Variants in RANBP2 observed in about 807,000 individuals in gnomAD.
The protein encoded by RANBP2 is E3 SUMO-protein ligase RanBP2.
In RANBP2, 57 loss-of-function variants were observed where a neutral mutation model predicts 303.6. The observed-to-expected ratio is 0.19, with a 90% CI of 0.15 to 0.23. The LOEUF (loss-of-function observed/expected upper bound fraction) is 0.23, where lower values mean the gene tolerates loss of function less well. RANBP2 is among the 10% of genes least tolerant of loss of function. The pLI is 1.00. For synonymous variants in RANBP2, 1,167 were observed against 1,301.5 expected, an observed-to-expected ratio of 0.90 and a Z score of 2.23; for missense variants, 3,138 against 3,780.8, an observed-to-expected ratio of 0.83 and a Z score of 4.46.
chr2:109,575,140 T>C, the RANBP2 span, among the ~76,000 whole-genome samples: 1 of 152,234 alleles, frequency 6.6e-6, no homozygotes, highest in Non-Finnish European at 1.5e-5. Flanking sequence ...GTATTGAATT[T>C]ACACTGATTC....
At chr2:109,632,961 T>C in the RANBP2 span, among the ~76,000 whole-genome samples, 1 of 152,204 alleles carries the variant, frequency 6.6e-6, no homozygotes, top group Admixed American at 6.5e-5. Flanking sequence ...ATACCTTCTT[T>C]GTATTGTACT....
At chr2:109,546,818 A>G in the RANBP2 span, among the ~76,000 whole-genome samples, 4 of 152,228 alleles carry the variant, frequency 2.6e-5, no homozygotes, top group Non-Finnish European at 5.9e-5. Flanking sequence ...CTTTACATAT[A>G]AAAATACTCA....
the RANBP2 span, among the ~76,000 whole-genome samples, chr2:109,236,680 C>T: frequency 1.4e-3 from 213 of 152,192 alleles, 3 homozygotes; most frequent in African/African-American, 4.8e-3. Context: ...AGGTCAAGGT[C>T]GAAGAAAGGA....
chr2:109,306,025 G>C, the RANBP2 span, among the ~76,000 whole-genome samples: 1 of 152,228 alleles, frequency 6.6e-6, no homozygotes, highest in Admixed American at 6.5e-5. Context: ...CTTCAGGAGT[G>C]ATTCGCTGCC....
chr2:109,190,762 A>G, the RANBP2 span, among the ~76,000 whole-genome samples: 2 of 152,100 alleles, frequency 1.3e-5, no homozygotes, highest in African/African-American at 4.8e-5. Flanking sequence ...ACTCACACCC[A>G]TAGAATGGGA....
At chr2:109,680,393 T>A in the RANBP2 span, among the ~76,000 whole-genome samples, 26 of 150,200 alleles carry the variant, frequency 1.7e-4, no homozygotes, top group Admixed American at 6.6e-4. Flanking sequence ...AAAAAAAAAA[T>A]TTAAAAAAAG....
At chr2:109,417,119 C>T in the RANBP2 span, among the ~76,000 whole-genome samples, 2 of 152,134 alleles carry the variant, frequency 1.3e-5, no homozygotes, top group Non-Finnish European at 2.9e-5. Flanking sequence ...AAGATCCTGC[C>T]CACACATTTC....
chr2:108,906,687 C>T, the RANBP2 span, among the ~76,000 whole-genome samples: 5 of 152,372 alleles, frequency 3.3e-5, no homozygotes, highest in African/African-American at 1.2e-4. Flanking sequence ...GCCCTCAGGA[C>T]ATCTGTGCTG....
the RANBP2 span, among the ~76,000 whole-genome samples, chr2:108,959,505 T>G: frequency 6.6e-6 from 1 of 152,320 alleles, no homozygotes; most frequent in Admixed American, 6.5e-5. Context: ...TGTTTCTCTG[T>G]GATGCTTAAA....
At chr2:108,747,665 T>C (rs2912847) in intron 8 of RANBP2, among the ~76,000 whole-genome samples, 1 of 152,116 alleles carries the variant, frequency 6.6e-6, no homozygotes, top group African/African-American at 2.4e-5. Flanking sequence ...TTGCCTGTAT[T>C]TTTTTTAATG....
chr2:109,285,774 C>T, the RANBP2 span, among the ~76,000 whole-genome samples: 1 of 152,216 alleles, frequency 6.6e-6, no homozygotes, highest in African/African-American at 2.4e-5. Flanking sequence ...CCAGACCTGG[C>T]AGGGTGTGAG....
At chr2:109,475,605 A>G in the RANBP2 span, among the ~76,000 whole-genome samples, 2 of 152,346 alleles carry the variant, frequency 1.3e-5, no homozygotes, top group South Asian at 2.1e-4. Context: ...CCTTGGCACT[A>G]TCAGAGCCAG....
At chr2:109,676,383 T>C in the RANBP2 span, among the ~76,000 whole-genome samples, 2 of 152,222 alleles carry the variant, frequency 1.3e-5, no homozygotes, top group African/African-American at 4.8e-5. Context: ...GAGTGCCCTG[T>C]AATTGTCCTG....
At chr2:109,614,682 A>T in the RANBP2 span, 1 of 1,486,578 alleles carries the variant, frequency 6.7e-7, no homozygotes, top group Non-Finnish European at 8.9e-7. Flanking sequence ...CGCCGTGGCC[A>T]CTGTGCGCGT....
At chr2:108,752,877 C>A in intron 12 of RANBP2, 121 bp from the exon 13 acceptor site, 1 of 1,581,704 alleles carries the variant, frequency 6.3e-7, no homozygotes, top group Admixed American at 1.7e-5. Flanking sequence ...GAACAAATGA[C>A]TATTGAGATA....
the RANBP2 span, among the ~76,000 whole-genome samples, chr2:109,707,520 A>T: frequency 6.6e-6 from 1 of 152,194 alleles, no homozygotes; most frequent in Non-Finnish European, 1.5e-5. Context: ...ATAAAACACC[A>T]CTACAATTCT....
the RANBP2 span, among the ~76,000 whole-genome samples, chr2:109,743,724 A>G: frequency 1.1e-5 from 1 of 93,594 alleles, no homozygotes; most frequent in African/African-American, 3.0e-5. Context: ...CGATCCTGTC[A>G]CTCAGGTGTC....
chr2:108,800,994 A>G, the RANBP2 span, among the ~76,000 whole-genome samples: 18 of 56,264 alleles, frequency 3.2e-4, 2 homozygotes, highest in Middle Eastern at 7.9e-3. Context: ...TCCATGGTAT[A>G]TATGTGCCAC....
At chr2:109,362,404 A>G in the RANBP2 span, among the ~76,000 whole-genome samples, 2 of 152,208 alleles carry the variant, frequency 1.3e-5, no homozygotes, top group Admixed American at 1.3e-4. Flanking sequence ...TGTCTAATTT[A>G]ATGCTATTGT....
Sources: allele counts gnomAD v4.1 joint callset (sites outside exome capture counted in the v4.1 genomes callset), GRCh38; gene constraint gnomAD v4.1.1; transcripts MANE v1.5; gene names NCBI Gene and HGNC (gene_info 2026-07-23, HGNC 2026-07-21).